BICRAL: variants seen among roughly 807,000 people sequenced by gnomAD.
The protein encoded by BICRAL is BICRA like chromatin remodeling complex associated protein, also known as BRD4-interacting chromatin-remodeling complex-associated protein-like.
BICRAL carries 8 observed loss-of-function variants against 91.8 expected under a neutral mutation model. The observed-to-expected ratio is 0.09, with a 90% CI of 0.05 to 0.16. The LOEUF is 0.16. Among genes scored for constraint, BICRAL ranks in the 10% least tolerant of loss-of-function variants. The pLI, the probability that BICRAL is intolerant of heterozygous loss-of-function variation, is 1.00. For missense variants in BICRAL, 1,038 were observed against 1,310.9 expected, an observed-to-expected ratio of 0.79 and a Z score of 3.21; for synonymous variants, 445 against 491.1, an observed-to-expected ratio of 0.91 and a Z score of 1.24.
upstream of BICRAL, chr6:42,781,927 C>CT (rs1762921136): frequency 9.0e-4 from 1 of 1,112 alleles, no homozygotes; most frequent in Admixed American, 0.012. Flanking sequence ...GGGAGCGGCG[C>CT]CCCGGCCCGG....
chr6:42,773,052 CAGA>C (rs995970638), intron 1 of BICRAL, among the ~76,000 whole-genome samples: 6 of 151,556 alleles, frequency 4.0e-5, no homozygotes, highest in South Asian at 2.1e-4. Context: ...CCCTTCTTCA[CAGA>C]AGAAGGGGAG....
intron 1 of BICRAL, among the ~76,000 whole-genome samples, chr6:42,785,626 C>T (rs986490649): frequency 9.3e-5 from 14 of 151,290 alleles, no homozygotes; most frequent in Non-Finnish European, 2.9e-5. Flanking sequence ...TAGAAAAGAC[C>T]CTGATATAAA....
chr6:42,841,677 A>G (rs1443013170), intron 6 of BICRAL, among the ~76,000 whole-genome samples: 1 of 152,168 alleles, frequency 6.6e-6, no homozygotes, highest in Non-Finnish European at 1.5e-5. Flanking sequence ...AATCCAATAA[A>G]TGATTTGAAA....
At chr6:42,837,047 C>T (rs1486206509) in intron 6 of BICRAL, among the ~76,000 whole-genome samples, 2 of 151,858 alleles carry the variant, frequency 1.3e-5, no homozygotes, top group African/African-American at 2.4e-5. Context: ...CAGGTTCAAG[C>T]GATTCTCCTG....
upstream of BICRAL, among the ~76,000 whole-genome samples, chr6:42,746,493 T>G (rs1420044884): frequency 1.5e-5 from 2 of 131,402 alleles, no homozygotes; most frequent in South Asian, 2.8e-4. Flanking sequence ...CTACTAGGGG[T>G]GTGGGTGGGA....
At chr6:42,855,188 C>T (rs543035919) in intron 8 of BICRAL, among the ~76,000 whole-genome samples, 1 of 152,304 alleles carries the variant, frequency 6.6e-6, no homozygotes, top group Admixed American at 6.5e-5. Context: ...CCCATACTTA[C>T]ACTGAGAAGA....
chr6:42,792,242 C>T (rs1177235524), intron 1 of BICRAL, among the ~76,000 whole-genome samples: 4 of 152,034 alleles, frequency 2.6e-5, no homozygotes, highest in Admixed American at 1.3e-4. Context: ...CAATAATAAG[C>T]TTAGCTTACT....
intron 1 of BICRAL, among the ~76,000 whole-genome samples, chr6:42,747,775 G>T (rs926761843): frequency 6.6e-6 from 1 of 151,528 alleles, no homozygotes; most frequent in Non-Finnish European, 1.5e-5. Context: ...ATTAGGTGAG[G>T]CTTCTGTTTT....
chr6:42,757,993 T>C (rs1011113444), intron 1 of BICRAL, among the ~76,000 whole-genome samples: 1 of 152,168 alleles, frequency 6.6e-6, no homozygotes, highest in African/African-American at 2.4e-5. Context: ...CATCTGACCA[T>C]GCTCATGACA....
At chr6:42,767,649 G>A (rs1762654414) in intron 1 of BICRAL, among the ~76,000 whole-genome samples, 1 of 152,208 alleles carries the variant, frequency 6.6e-6, no homozygotes, top group African/African-American at 2.4e-5. Flanking sequence ...CTGGGGAGAA[G>A]GGAAGTATAA....
At position 42,756,922 on chromosome 6, in the gene BICRAL, C is replaced by A. The variant is rs556726936; in HGVS notation, c.-261+9899C>A. 1.1e-3 allele frequency among the ~76,000 whole-genome samples: 114 copies of A among 100,236 alleles called. 8 individuals carry two copies. In the East Asian group the frequency reaches 0.043, roughly 38 times the overall value. 65.8% of individuals were successfully genotyped at this position (100,236 alleles called of 152,430 possible). On this transcript the variant is annotated intron_variant, in intron 1 of 14. Transcript: ENST00000614467. The stretch of plus-strand genomic sequence containing the variant: ...TCTCTCTCTCTCTCTCTCCCTCTCC[C>A]CCCCCCCCACCCTCCCTCTCTCCCT...
In BICRAL at chr6:42,829,105, C is replaced by G. The variant is rs759656651; in HGVS notation, c.772C>G (p.Gln258Glu). The G allele has an allele frequency of 1.2e-6, 2 of 1,614,022 alleles. No homozygotes were observed. Among genetic ancestry groups the G allele is most frequent in the African/African-American group, 2.7e-5 (2 of 74,934 alleles). Residue 258 changes from glutamine to glutamate, a missense_variant, in exon 6 of 13, where the codon CAG becomes GAG. Gln to Glu is a conservative substitution (Grantham distance 29, BLOSUM62 2). Around this residue, in one of 5 missense-constraint regions of BICRAL, gnomAD observed 532 missense variants for 724.9 expected, o/e 0.73. Coordinates refer to ENST00000314073, the MANE Select transcript of BICRAL (RefSeq NM_001393499.1). ...GAGTGGAGGGCTCCTGGTTCATAGA[C>G]AGACTCCTAATGGCAACTCCTTGTT... ...NVSGGLLVHR[Q>E]TPNGNSLFGN...
At chr6:42,767,053 AAAG>A (rs1253810459) in intron 1 of BICRAL, among the ~76,000 whole-genome samples, 99 of 151,714 alleles carry the variant, frequency 6.5e-4, no homozygotes, top group Non-Finnish European at 1.2e-3. Context: ...AAAAAAAAAA[AAAG>A]AAGAAGAATA....
intron 1 of BICRAL, among the ~76,000 whole-genome samples, chr6:42,758,935 G>A (rs1261694675): frequency 6.6e-6 from 1 of 152,220 alleles, no homozygotes; most frequent in Non-Finnish European, 1.5e-5. Context: ...TCCAGCAACA[G>A]ACAGGTCATG....
At position 42,857,614 on chromosome 6, in the gene BICRAL, A is replaced by AAAAAAAAAAAAAT; in HGVS notation, c.2254+379_2254+380insAAAAAAAAAAATA. ...ACACTGTCTCTTAAAAAAAAAAAAA[A>AAAAAAAAAAAAAT]ATATATATATATATATATATATTTT... On this transcript the variant is annotated intron_variant, in intron 10 of 12. Transcript: ENST00000314073. Among the ~76,000 whole-genome samples, 521 of 96,114 alleles carry AAAAAAAAAAAAAT rather than the reference A, an allele frequency of 5.4e-3. 3 individuals are homozygous for AAAAAAAAAAAAAT. The highest frequency in any genetic ancestry group is 8.0e-3 in the Non-Finnish European group (431 of 53,820). The allele number at this position is 96,114 out of a possible 152,430, so 63.1% of individuals were successfully genotyped here. A position where few individuals can be genotyped will look rare whatever the true frequency, so the allele number is the denominator to read the frequency against.
At chr6:42,831,357 C>T (rs1764471800) in intron 6 of BICRAL, among the ~76,000 whole-genome samples, 1 of 152,112 alleles carries the variant, frequency 6.6e-6, no homozygotes, top group South Asian at 2.1e-4. Context: ...TGGCCTGCCC[C>T]AGAGGGAAGC....
At chr6:42,854,975 A>G (rs1242175772) in intron 8 of BICRAL, among the ~76,000 whole-genome samples, 1 of 152,210 alleles carries the variant, frequency 6.6e-6, no homozygotes, top group African/African-American at 2.4e-5. Flanking sequence ...GCTTACTAAG[A>G]CAGTTTCGTT....
At chr6:42,821,917 A>T in intron 2 of BICRAL, 101 bp from the exon 3 acceptor site, 1 of 667,454 alleles carries the variant, frequency 1.5e-6, no homozygotes, top group Non-Finnish European at 2.6e-6. Context: ...AATTACAGTT[A>T]TTTATCCAGA....
chr6:42,853,672 C>T lies in BICRAL; in HGVS notation c.1980C>T (p.Ser660=). ...CTGGAAGCAAAGTTATATCCGCATC[C>T]TTAGGAACCGCACAACCACAGCAGG... ...QDSGSKVISA[S]LGTAQPQQEK... Residue 660 remains serine, a synonymous_variant, in exon 8 of 13, where the codon TCC becomes TCT. Coordinates refer to ENST00000314073, the MANE Select transcript of BICRAL (RefSeq NM_001393499.1). 1 of 1,614,066 alleles carries T rather than the reference C, an allele frequency of 6.2e-7. No individual in the cohort carries two copies. Among genetic ancestry groups the T allele is most frequent in the Non-Finnish European group, 8.5e-7 (1 of 1,179,906 alleles).
Sources: gnomAD v4.1 joint callset for allele counts (sites outside exome capture counted in the v4.1 genomes callset) on GRCh38, gnomAD v4.1.1 for gene constraint, gnomAD v4.1.1 regional missense constraint, MANE v1.5 for transcripts, NCBI Gene and HGNC (gene_info 2026-07-23, HGNC 2026-07-21) for gene names.